The following USP43 variants were observed in gnomAD, a reference collection of about 807,000 sequenced individuals.
The protein encoded by USP43 is ubiquitin carboxyl-terminal hydrolase 43.
A neutral mutation model predicts 90.7 loss-of-function variants in USP43; 33 were observed. The ratio of observed to expected loss-of-function variants is 0.36; its 90% CI spans 0.28 to 0.49. The LOEUF (loss-of-function observed/expected upper bound fraction) is 0.49, where lower values mean the gene tolerates loss of function less well. Among genes scored for constraint, USP43 ranks in the 20% least tolerant of loss-of-function variants. The probability of loss-of-function intolerance (pLI) is 0.98; values close to 1 mark genes in which losing one functional copy is unlikely to be tolerated. For synonymous variants in USP43, 598 were observed against 615.8 expected, an observed-to-expected ratio of 0.97 and a Z score of 0.43; for missense variants, 1,274 against 1,476.4, an observed-to-expected ratio of 0.86 and a Z score of 2.25.
intron 3 of USP43, among the ~76,000 whole-genome samples, chr17:9,670,292 G>T (rs9910960): frequency 0.015 from 2,250 of 152,204 alleles, 41 homozygotes; most frequent in African/African-American, 0.042. Context: ...ACCTGCCTCG[G>T]CCTCCCAAAG....
chr17:9,681,968 A>G (rs1567661608), intron 6 of USP43, among the ~76,000 whole-genome samples: 1 of 152,140 alleles, frequency 6.6e-6, no homozygotes, highest in East Asian at 1.9e-4. Context: ...CAAGACATTA[A>G]CTGACACTGA....
At chr17:9,685,018 G>C (rs1681121644) in intron 7 of USP43, among the ~76,000 whole-genome samples, 1 of 152,074 alleles carries the variant, frequency 6.6e-6, no homozygotes, top group Admixed American at 6.6e-5. Context: ...TGCGCTCAAA[G>C]GTTATGTCCA....
At position 9,651,760 on chromosome 17, in the gene USP43, G is replaced by A. The variant is rs1212079211; in HGVS notation, c.505-4643G>A. ...GACTTGGCTTTTTAAAAACAAGGAT[G>A]CCTTCTTCACCACTCTTGTGTTTTG... On this transcript the variant is annotated intron_variant, in intron 1 of 14. Coordinates refer to ENST00000285199, the MANE Select transcript of USP43 (RefSeq NM_153210.5). 2.0e-5 allele frequency among the ~76,000 whole-genome samples: 3 copies of A among 152,122 alleles called. No homozygotes were observed. The East Asian group carries it at 5.8e-4, about 29-fold the overall frequency.
chr17:9,658,383 CAT>C (rs1182267846), intron 2 of USP43, among the ~76,000 whole-genome samples: 5 of 151,786 alleles, frequency 3.3e-5, no homozygotes, highest in Admixed American at 2.0e-4. Context: ...AAAAGGAAAA[CAT>C]AACTATATAT....
intron 3 of USP43, among the ~76,000 whole-genome samples, chr17:9,672,413 A>G (rs1913497867): frequency 1.3e-5 from 2 of 152,188 alleles, no homozygotes; most frequent in African/African-American, 2.4e-5. Flanking sequence ...TTCCTGAACC[A>G]GTTTAATATG....
intron 9 of USP43, among the ~76,000 whole-genome samples, chr17:9,698,999 G>T (rs1001775431): frequency 6.6e-6 from 1 of 152,216 alleles, no homozygotes; most frequent in Non-Finnish European, 1.5e-5. Context: ...AAGAAGCTTA[G>T]ATCTAGGGGT....
chr17:9,647,311 C>T lies in USP43; in HGVS notation c.504+1175C>T, dbSNP rs1396089416. Among the ~76,000 whole-genome samples, 3 of 152,102 alleles carry T rather than the reference C, an allele frequency of 2.0e-5. No homozygotes were observed. In the East Asian group the frequency reaches 5.8e-4, roughly 29 times the overall value. On this transcript the variant is annotated intron_variant, in intron 1 of 14. Coordinates refer to ENST00000285199, the MANE Select transcript of USP43 (RefSeq NM_153210.5). ...CTGCCTCCATTAGTGAAGCACTGTT[C>T]TGCAGCAGCCAGTGGGTCAAATGGT... is the stretch of plus-strand genomic sequence containing the variant.
Position 9,701,646 on chromosome 17 carries a change from G to A in USP43, c.1957G>A (p.Asp653Asn), listed in dbSNP as rs1361207940. The A allele has an allele frequency of 8.2e-6, 13 of 1,590,804 alleles. No homozygotes were observed. In the South Asian group the frequency reaches 1.0e-4, roughly 13 times the overall value. ...CAGTTACCCGCTGGACTTCCTGTAC[G>A]ACCTGTATGCCGTCTGCAACCACCA... is the stretch of plus-strand genomic sequence containing the variant. ...PTSYPLDFLY[D>N]LYAVCNHHGN... The change falls in exon 12 of 15, where the codon GAC becomes AAC. Residue 653 changes from aspartate to asparagine, a missense_variant. This residue lies in a region of USP43 where 285 missense variants were observed against 349.6 expected (regional missense o/e 0.82). Transcript: ENST00000285199. This position sits in a 1 kb window ranked among gnomAD's most constrained non-coding sequence, Gnocchi z 7.2.
At chr17:9,651,908 A>C (rs1436948453) in intron 1 of USP43, among the ~76,000 whole-genome samples, 1 of 152,218 alleles carries the variant, frequency 6.6e-6, no homozygotes, top group African/African-American at 2.4e-5. Flanking sequence ...ATGATACCAG[A>C]TAGAAGGTAG....
At chr17:9,704,479 C>T (rs1252077123) in intron 12 of USP43, among the ~76,000 whole-genome samples, 1 of 151,416 alleles carries the variant, frequency 6.6e-6, no homozygotes, top group South Asian at 2.1e-4. Flanking sequence ...CCACGCCTGG[C>T]TAATTTTTGT....
intron 12 of USP43, among the ~76,000 whole-genome samples, chr17:9,706,631 ATTTTTTTTT>A (rs34165346): frequency 9.5e-5 from 8 of 84,436 alleles, no homozygotes; most frequent in Admixed American, 2.8e-4. Flanking sequence ...TCAGATATTA[ATTTTTTTTT>A]TTTTTTTTTT....
intron 5 of USP43, among the ~76,000 whole-genome samples, chr17:9,679,083 A>T (rs1413152133): frequency 6.6e-6 from 1 of 152,102 alleles, no homozygotes; most frequent in Non-Finnish European, 1.5e-5. Flanking sequence ...TTAGCTTTAT[A>T]TAGTTGATAA....
intron 14 of USP43, among the ~76,000 whole-genome samples, chr17:9,724,286 G>A (rs539686126): frequency 1.3e-5 from 2 of 152,122 alleles, no homozygotes; most frequent in Non-Finnish European, 2.9e-5. Context: ...CCTTAACGGG[G>A]ACCAGAGGAA....
At chr17:9,717,920 C>T (rs934584605) in intron 14 of USP43, among the ~76,000 whole-genome samples, 1 of 151,898 alleles carries the variant, frequency 6.6e-6, no homozygotes, top group East Asian at 1.9e-4. Flanking sequence ...CCTCAGACTC[C>T]CGAGTAGCTG....
At chr17:9,680,178 C>A in intron 5 of USP43, 53 bp from the exon 6 acceptor site, 1 of 1,592,706 alleles carries the variant, frequency 6.3e-7, no homozygotes, top group Non-Finnish European at 8.6e-7. Context: ...GATTTCTTAT[C>A]TGTTGATTTC....
chr17:9,703,993 C>T (rs768419457), intron 12 of USP43, among the ~76,000 whole-genome samples: 1 of 152,150 alleles, frequency 6.6e-6, no homozygotes, highest in Non-Finnish European at 1.5e-5. Context: ...TATTTCCACA[C>T]CTGATTGATA....
At chr17:9,680,425 A>C in intron 6 of USP43, 59 bp downstream of exon 6, 1 of 1,595,092 alleles carries the variant, frequency 6.3e-7, no homozygotes, top group Non-Finnish European at 8.6e-7. Context: ...GTTTCAGAGG[A>C]TACTCCTTGG....
chr17:9,714,336 CA>C (rs1482932418), intron 14 of USP43, among the ~76,000 whole-genome samples: 1 of 152,048 alleles, frequency 6.6e-6, no homozygotes, highest in Non-Finnish European at 1.5e-5. Flanking sequence ...GAGTCATCAG[CA>C]CATGGATGGA....
intron 2 of USP43, among the ~76,000 whole-genome samples, chr17:9,661,961 C>T (rs977883869): frequency 2.6e-5 from 4 of 152,126 alleles, no homozygotes; most frequent in Admixed American, 2.0e-4. Flanking sequence ...CAAGGAGCCC[C>T]ACGCTCAATG....
Sources: gnomAD v4.1 joint callset for allele counts (sites outside exome capture counted in the v4.1 genomes callset) on GRCh38, gnomAD v4.1.1 for gene constraint, gnomAD v4.1.1 regional missense constraint, Gnocchi (gnomAD v3.1) non-coding constraint, MANE v1.5 for transcripts, NCBI Gene and HGNC (gene_info 2026-07-23, HGNC 2026-07-21) for gene names.